LSAMP: variants seen among roughly 807,000 people sequenced by gnomAD.
The protein encoded by LSAMP is limbic system-associated membrane protein.
A neutral mutation model predicts 38.6 loss-of-function variants in LSAMP; 7 were observed. That is an observed-to-expected ratio of 0.18 (90% confidence interval 0.10 to 0.34). The LOEUF (loss-of-function observed/expected upper bound fraction) is 0.34, where lower values mean the gene tolerates loss of function less well. Ranked by LOEUF, LSAMP falls within the 10% of genes least tolerant of loss-of-function variation. The pLI is 1.00. For synonymous variants in LSAMP, 154 were observed against 166.8 expected, an observed-to-expected ratio of 0.92 and a Z score of 0.59; for missense variants, 313 against 420.0, an observed-to-expected ratio of 0.75 and a Z score of 2.23.
intron 1 of LSAMP, among the ~76,000 whole-genome samples, chr3:116,392,726 T>C (rs1419990467): frequency 6.6e-6 from 1 of 152,152 alleles, no homozygotes; most frequent in Non-Finnish European, 1.5e-5. Flanking sequence ...TGCTTTTCCC[T>C]GGGCCTGCCC....
chr3:115,928,849 T>C (rs1280588651), intron 3 of LSAMP, among the ~76,000 whole-genome samples: 1 of 152,180 alleles, frequency 6.6e-6, no homozygotes, highest in African/African-American at 2.4e-5. Flanking sequence ...TGAGGGAATG[T>C]TAAGGTATTT....
At chr3:115,811,013 A>G (rs1336381486) in intron 6 of LSAMP, among the ~76,000 whole-genome samples, 1 of 152,244 alleles carries the variant, frequency 6.6e-6, no homozygotes, top group Non-Finnish European at 1.5e-5. Flanking sequence ...CTTAAGAGGC[A>G]GCAAAGGATC....
At chr3:116,336,301 G>GA (rs1203682929) in intron 1 of LSAMP, among the ~76,000 whole-genome samples, 3 of 152,012 alleles carry the variant, frequency 2.0e-5, no homozygotes, top group Admixed American at 6.6e-5. Flanking sequence ...TTTGTGCATT[G>GA]AAAGACACTA....
intron 2 of LSAMP, among the ~76,000 whole-genome samples, chr3:116,080,572 A>C (rs889854335): frequency 1.3e-5 from 2 of 152,228 alleles, no homozygotes; most frequent in Non-Finnish European, 2.9e-5. Flanking sequence ...TTAAAACTGC[A>C]TGAGGCAATA....
intron 1 of LSAMP, among the ~76,000 whole-genome samples, chr3:116,107,643 A>G (rs1174117227): frequency 6.6e-6 from 1 of 152,154 alleles, no homozygotes; most frequent in African/African-American, 2.4e-5. Context: ...TGAGAATGAA[A>G]TTTGGGCTTG....
intron 2 of LSAMP, among the ~76,000 whole-genome samples, chr3:116,032,984 G>T (rs1026334036): frequency 1.3e-5 from 2 of 152,096 alleles, no homozygotes; most frequent in Non-Finnish European, 2.9e-5. Context: ...TAGAAGCAAT[G>T]GGAGATTCGT....
chr3:115,871,808 T>A (rs1436254477), intron 3 of LSAMP, among the ~76,000 whole-genome samples: 1 of 152,114 alleles, frequency 6.6e-6, no homozygotes, highest in Non-Finnish European at 1.5e-5. Flanking sequence ...GAATACCATC[T>A]GAGTTATACA....
chr3:116,160,669 GAAAAT>G lies in LSAMP; in HGVS notation c.156-74118_156-74114del, dbSNP rs541860613. On this transcript the variant is annotated intron_variant, in intron 1 of 6. Transcript: ENST00000490035. The stretch of plus-strand genomic sequence containing the variant: ...CACATATACCCCTGAACCTAAAATT[GAAAAT>G]AAAATAAAATAAATTTGGAATATAT... 1.2e-3 allele frequency among the ~76,000 whole-genome samples: 189 copies of G among 152,156 alleles called. 2 individuals carry two copies. Among genetic ancestry groups the G allele is most frequent in the African/African-American group, 3.5e-3 (145 of 41,522 alleles).
chr3:116,375,468 A>G (rs1227607397), intron 1 of LSAMP, among the ~76,000 whole-genome samples: 1 of 151,972 alleles, frequency 6.6e-6, no homozygotes, highest in Non-Finnish European at 1.5e-5. Flanking sequence ...AATGAAACCC[A>G]TAGCCTATCA....
At chr3:116,232,352 C>G (rs951237922) in intron 1 of LSAMP, among the ~76,000 whole-genome samples, 1 of 152,160 alleles carries the variant, frequency 6.6e-6, no homozygotes, top group Non-Finnish European at 1.5e-5. Flanking sequence ...TTCTCAATCC[C>G]ACGGATTATA....
chr3:116,019,587 T>C lies in LSAMP; in HGVS notation c.442A>G (p.Asn148Asp). 6.2e-7 allele frequency: 1 copy of C among 1,613,156 alleles called. No homozygotes were observed. The highest frequency in any genetic ancestry group is 8.5e-7 in the Non-Finnish European group (1 of 1,179,242). The change falls in exon 3 of 7, where the codon AAC (asparagine) becomes GAC (aspartate). Residue 148 changes from asparagine (N) to aspartate (D), a missense_variant. Transcript: ENST00000490035. ...TTGGCCATGCAGACCAGAGTCACGT[T>C]GCTGCCCTCATTCACAGTGACATCC... ...SSDVTVNEGS[N>D]VTLVCMANGR...
chr3:116,041,796 C>CAAAAAAAAAAAAAAAAA (rs148805855), intron 2 of LSAMP, among the ~76,000 whole-genome samples: 1 of 57,080 alleles, frequency 1.8e-5, no homozygotes, highest in African/African-American at 4.5e-5. Flanking sequence ...TGAAAGCATG[C>CAAAAAAAAAAAAAAAAA]AAAAAAAAAC....
chr3:115,908,875 G>A (rs545670636), intron 3 of LSAMP, among the ~76,000 whole-genome samples: 9 of 152,090 alleles, frequency 5.9e-5, no homozygotes, highest in South Asian at 2.1e-4. Context: ...CCTTCTGTCC[G>A]GCACTTCTGT....
chr3:116,200,178 G>A (rs72945939), intron 1 of LSAMP, among the ~76,000 whole-genome samples: 3,184 of 151,978 alleles, frequency 0.021, 111 homozygotes, highest in African/African-American at 0.071. Flanking sequence ...CAACTAATAA[G>A]AGGTTGAACA....
intron 1 of LSAMP, among the ~76,000 whole-genome samples, chr3:116,170,704 G>A (rs767231873): frequency 4.6e-5 from 7 of 152,172 alleles, no homozygotes; most frequent in Admixed American, 1.3e-4. Flanking sequence ...TATGTGAGAA[G>A]CAGTGAAATT....
chr3:115,934,187 A>AT (rs11391901), intron 3 of LSAMP, among the ~76,000 whole-genome samples: 138,142 of 149,144 alleles, frequency 0.93, 64,858 homozygotes, highest in East Asian at 1. Flanking sequence ...ATTTTATTTT[A>AT]TTTTTTTTTC....
intron 1 of LSAMP, among the ~76,000 whole-genome samples, chr3:116,176,016 T>G (rs1710329784): frequency 6.6e-6 from 1 of 152,098 alleles, no homozygotes. Context: ...GTCACCCAAT[T>G]TAACACTTTA....
intron 1 of LSAMP, among the ~76,000 whole-genome samples, chr3:116,285,016 G>A (rs1277334547): frequency 6.6e-6 from 1 of 152,182 alleles, no homozygotes; most frequent in Non-Finnish European, 1.5e-5. Context: ...GAATGATGTT[G>A]CTACTTTCAA....
intron 2 of LSAMP, among the ~76,000 whole-genome samples, chr3:116,083,518 C>A (rs1040538333): frequency 1.3e-5 from 2 of 152,184 alleles, no homozygotes; most frequent in Non-Finnish European, 2.9e-5. Context: ...CTCTGCAGAG[C>A]CCACCTTCTA....
Sources: allele counts gnomAD v4.1 joint callset (sites outside exome capture counted in the v4.1 genomes callset), GRCh38; gene constraint gnomAD v4.1.1; transcripts MANE v1.5; gene names NCBI Gene and HGNC (gene_info 2026-07-23, HGNC 2026-07-21).